CDH12: variants seen among roughly 807,000 people sequenced by gnomAD.
The protein encoded by CDH12 is cadherin 12.
Under a neutral mutation model 74.1 loss-of-function variants are expected in CDH12, and 41 were observed. The observed-to-expected ratio is 0.55, with a 90% confidence interval of 0.43 to 0.72. CDH12 has a LOEUF of 0.72. Ranked by LOEUF, CDH12 falls within the 30% of genes least tolerant of loss-of-function variation. The pLI is 0.00. For missense variants in CDH12, 945 were observed against 977.2 expected (o/e 0.97, Z 0.44); for synonymous variants, 399 against 355.0 (o/e 1.12, Z -1.39).
intron 1 of CDH12, among the ~76,000 whole-genome samples, chr5:22,833,175 C>T (rs1241896612): frequency 4.6e-5 from 7 of 152,084 alleles, no homozygotes; most frequent in South Asian, 2.1e-4. Flanking sequence ...CCACAGTAAA[C>T]GGAATGTAAC....
intron 1 of CDH12, 113 bp downstream of exon 1, chr5:22,852,945 A>G (rs1294623390): frequency 6.6e-6 from 1 of 152,220 alleles, no homozygotes; most frequent in East Asian, 1.9e-4. Context: ...AGCTTCGTTC[A>G]GCTTCTCACT....
intron 3 of CDH12, among the ~76,000 whole-genome samples, chr5:22,234,821 T>C (rs541116753): frequency 4.6e-4 from 70 of 152,218 alleles, no homozygotes; most frequent in African/African-American, 1.6e-3. Flanking sequence ...CAAATGTCAA[T>C]ATAAAACAGA....
intron 3 of CDH12, among the ~76,000 whole-genome samples, chr5:22,232,657 G>GA (rs1003730122): frequency 7.3e-5 from 11 of 150,690 alleles, no homozygotes; most frequent in Admixed American, 1.3e-4. Flanking sequence ...CTAACACACT[G>GA]AAAAAAAATA....
intron 1 of CDH12, among the ~76,000 whole-genome samples, chr5:22,565,069 G>A (rs1310800734): frequency 2.0e-5 from 3 of 152,098 alleles, no homozygotes; most frequent in Non-Finnish European, 4.4e-5. Flanking sequence ...CCTAGTAGCT[G>A]GGACTACAGG....
chr5:22,327,310 CA>C (rs1375217231), intron 3 of CDH12, among the ~76,000 whole-genome samples: 1 of 151,854 alleles, frequency 6.6e-6, no homozygotes, highest in African/African-American at 2.4e-5. Context: ...AAAAAATAAA[CA>C]AAAATGTCAT....
At chr5:22,035,591 A>T (rs948315907) in intron 5 of CDH12, among the ~76,000 whole-genome samples, 3 of 152,028 alleles carry the variant, frequency 2.0e-5, no homozygotes, top group South Asian at 2.1e-4. Context: ...AAATTTTTTT[A>T]AAATTAGAAT....
At chr5:21,929,898 C>T (rs1001651396) in intron 6 of CDH12, among the ~76,000 whole-genome samples, 1 of 152,174 alleles carries the variant, frequency 6.6e-6, no homozygotes, top group African/African-American at 2.4e-5. Flanking sequence ...ACAGATAATA[C>T]TGCTCTCATA....
At chr5:22,409,167 C>G (rs942757957) in intron 2 of CDH12, among the ~76,000 whole-genome samples, 9 of 152,004 alleles carry the variant, frequency 5.9e-5, no homozygotes, top group African/African-American at 2.2e-4. Context: ...AGAGTATACT[C>G]TTAGCACTCT....
intron 1 of CDH12, among the ~76,000 whole-genome samples, chr5:22,806,885 T>C (rs903604818): frequency 1.4e-4 from 21 of 152,220 alleles, no homozygotes; most frequent in Non-Finnish European, 2.9e-5. Context: ...CTTTGTCAGA[T>C]GGATAGATTG....
At chr5:22,411,812 T>C (rs1344963841) in intron 2 of CDH12, among the ~76,000 whole-genome samples, 1 of 152,012 alleles carries the variant, frequency 6.6e-6, no homozygotes, top group Non-Finnish European at 1.5e-5. Context: ...TTTTAGAGGA[T>C]AGGTTTGTGT....
At chr5:22,234,587 T>G (rs1189153881) in intron 3 of CDH12, among the ~76,000 whole-genome samples, 1 of 150,706 alleles carries the variant, frequency 6.6e-6, no homozygotes, top group Non-Finnish European at 1.5e-5. Flanking sequence ...GTTTTGCTTT[T>G]TTTTTTTTCA....
intron 1 of CDH12, among the ~76,000 whole-genome samples, chr5:22,743,273 T>TAC (rs1553997533): frequency 4.8e-5 from 7 of 144,800 alleles, no homozygotes; most frequent in East Asian, 2.0e-4. Flanking sequence ...TATATATATA[T>TAC]ATATATATGT....
intron 5 of CDH12, among the ~76,000 whole-genome samples, chr5:22,049,918 G>A (rs182237799): frequency 1.6e-4 from 25 of 152,166 alleles, no homozygotes; most frequent in African/African-American, 3.6e-4. Context: ...AAGTGAAATC[G>A]TGGTAATTTC....
chr5:21,820,655 G>C (rs543892615), intron 8 of CDH12, among the ~76,000 whole-genome samples: 1 of 152,110 alleles, frequency 6.6e-6, no homozygotes, highest in South Asian at 2.1e-4. Flanking sequence ...GAGAAACTAT[G>C]CATTTGTCAT....
chr5:21,794,418 C>T (rs145068080), intron 10 of CDH12, among the ~76,000 whole-genome samples: 3,032 of 151,694 alleles, frequency 0.02, 38 homozygotes, highest in Admixed American at 0.043. Flanking sequence ...AATTCTCTTG[C>T]GGGTCCTAAA....
At chr5:22,262,958 C>A (rs2150395085) in intron 3 of CDH12, among the ~76,000 whole-genome samples, 1 of 151,544 alleles carries the variant, frequency 6.6e-6, no homozygotes, top group East Asian at 1.9e-4. Context: ...GGCTAATATC[C>A]AGAATCTACA....
At chr5:22,342,362 G>C (rs1043540077) in intron 3 of CDH12, among the ~76,000 whole-genome samples, 1 of 152,194 alleles carries the variant, frequency 6.6e-6, no homozygotes, top group Non-Finnish European at 1.5e-5. Flanking sequence ...TGTATCTAGA[G>C]ATTTGAGGAG....
At chr5:22,360,193 TAAA>T (rs1389364394) in intron 3 of CDH12, among the ~76,000 whole-genome samples, 3 of 150,982 alleles carry the variant, frequency 2.0e-5, no homozygotes, top group African/African-American at 7.3e-5. Flanking sequence ...GCAAGACTAA[TAAA>T]GAAGAAAAAA....
intron 5 of CDH12, among the ~76,000 whole-genome samples, chr5:22,074,387 C>G (rs147586168): frequency 0.027 from 4,112 of 152,232 alleles, 122 homozygotes; most frequent in African/African-American, 0.071. Flanking sequence ...TAATACAATT[C>G]AGGACATAGG....
Sources: allele counts gnomAD v4.1 joint callset (sites outside exome capture counted in the v4.1 genomes callset), GRCh38; gene constraint gnomAD v4.1.1; transcripts MANE v1.5; gene names NCBI Gene and HGNC (gene_info 2026-07-23, HGNC 2026-07-21).